Variants in TMTC1 observed in about 807,000 individuals in gnomAD.
TMTC1 encodes the protein transmembrane O-mannosyltransferase targeting cadherins 1, also known as protein O-mannosyl-transferase TMTC1.
In TMTC1, 73 loss-of-function variants were observed where a neutral mutation model predicts 104.8. The observed-to-expected ratio is 0.70, with a 90% CI of 0.58 to 0.85. The LOEUF is 0.85. Among genes scored for constraint, TMTC1 ranks in the 40% least tolerant of loss-of-function variants. The pLI, the probability that TMTC1 is intolerant of heterozygous loss-of-function variation, is 0.00. For synonymous variants in TMTC1, 434 were observed against 428.7 expected (o/e 1.01, Z -0.15); for missense variants, 1,035 against 1,096.1 (o/e 0.94, Z 0.79).
chr12:29,735,751 C>G (rs1942655597), intron 5 of TMTC1, among the ~76,000 whole-genome samples: 1 of 152,192 alleles, frequency 6.6e-6, no homozygotes, highest in Admixed American at 6.5e-5. Flanking sequence ...ACTGTTGGTG[C>G]AGATGCAGCT....
At chr12:29,675,107 T>C (rs1046511733) in intron 5 of TMTC1, among the ~76,000 whole-genome samples, 2 of 152,164 alleles carry the variant, frequency 1.3e-5, no homozygotes, top group African/African-American at 4.8e-5. Flanking sequence ...TTCAGCTAAG[T>C]TTCCCTTGCA....
chr12:29,644,096 AAT>A (rs1332634786), intron 5 of TMTC1, among the ~76,000 whole-genome samples: 2 of 79,502 alleles, frequency 2.5e-5, no homozygotes, highest in African/African-American at 5.4e-5. Context: ...TATAAATATA[AAT>A]ATATAAATAT....
chr12:29,678,160 CAA>C (rs878965394), intron 5 of TMTC1, among the ~76,000 whole-genome samples: 1 of 152,312 alleles, frequency 6.6e-6, no homozygotes, highest in Admixed American at 6.5e-5. Flanking sequence ...CAGAGATGAA[CAA>C]AAGTCACTTC....
intron 6 of TMTC1, among the ~76,000 whole-genome samples, chr12:29,620,839 A>G (rs977790298): frequency 6.6e-6 from 1 of 152,232 alleles, no homozygotes; most frequent in African/African-American, 2.4e-5. Context: ...AGCTGAGAGC[A>G]GGGAGAAGAG....
intron 8 of TMTC1, among the ~76,000 whole-genome samples, chr12:29,578,009 G>A (rs1945871204): frequency 6.6e-6 from 1 of 152,024 alleles, no homozygotes; most frequent in African/African-American, 2.4e-5. Flanking sequence ...AGGCAACTGT[G>A]ATTATAGAAA....
At chr12:29,742,081 GA>G (rs1309751484) in intron 5 of TMTC1, among the ~76,000 whole-genome samples, 1 of 151,614 alleles carries the variant, frequency 6.6e-6, no homozygotes, top group African/African-American at 2.4e-5. Flanking sequence ...GAAGCCAAAT[GA>G]AAACTATGAA....
chr12:29,615,735 G>C (rs1455078709), intron 6 of TMTC1, among the ~76,000 whole-genome samples: 3 of 152,146 alleles, frequency 2.0e-5, no homozygotes, highest in Admixed American at 1.3e-4. Context: ...AAGGTCTTAG[G>C]TTACTGTTGC....
At chr12:29,628,315 T>G (rs777197587) in intron 6 of TMTC1, among the ~76,000 whole-genome samples, 8 of 152,110 alleles carry the variant, frequency 5.3e-5, no homozygotes, top group Non-Finnish European at 1.2e-4. Context: ...TGGTACAACT[T>G]CAGTGAACAT....
intron 16 of TMTC1, among the ~76,000 whole-genome samples, chr12:29,513,747 A>C (rs1343710606): frequency 1.3e-5 from 2 of 152,316 alleles, no homozygotes; most frequent in Non-Finnish European, 2.9e-5. Context: ...TTATTCCAAA[A>C]CCATAGATAC....
rs565703598 is a variant in TMTC1 at position 29,731,850 on chromosome 12, A to G, written c.938+19816T>C. ...AATATGAATTCCCATATGGTTCTGT[A>G]TTCTTTCCATTACTATACAGTTTTT... On this transcript the variant is annotated intron_variant, in intron 5 of 17. Transcript: ENST00000539277. 2.6e-5 allele frequency among the ~76,000 whole-genome samples: 4 copies of G among 152,250 alleles called. No homozygotes were observed. In the South Asian group the frequency reaches 8.3e-4, roughly 32 times the overall value.
intron 5 of TMTC1, among the ~76,000 whole-genome samples, chr12:29,697,373 C>G (rs532855818): frequency 7.2e-5 from 11 of 152,214 alleles, no homozygotes; most frequent in Non-Finnish European, 1.3e-4. Context: ...TAACCTCTCA[C>G]AACTCAGAAA....
intron 5 of TMTC1, among the ~76,000 whole-genome samples, chr12:29,733,010 T>C (rs972749748): frequency 2.6e-5 from 4 of 152,202 alleles, no homozygotes; most frequent in Non-Finnish European, 5.9e-5. Context: ...ATACTGAGCT[T>C]CCCAGTACAG....
At chr12:29,519,835 T>C (rs998828625) in intron 12 of TMTC1, 2 of 152,234 alleles carry the variant, frequency 1.3e-5, no homozygotes, top group African/African-American at 4.8e-5. Flanking sequence ...GTTTCTTAGA[T>C]GTATCAGAAT....
At chr12:29,595,085 C>T (rs58562430) in intron 7 of TMTC1, among the ~76,000 whole-genome samples, 7,176 of 152,260 alleles carry the variant, frequency 0.047, 577 homozygotes, top group African/African-American at 0.16. Flanking sequence ...TTATTGTATT[C>T]AGTCTCATCT....
At chr12:29,774,020 A>C (rs1401915859) in intron 1 of TMTC1, among the ~76,000 whole-genome samples, 1 of 44,266 alleles carries the variant, frequency 2.3e-5, no homozygotes, top group Non-Finnish European at 1.0e-4. Flanking sequence ...TACAGTGGAG[A>C]CATGAGTGTG....
At chr12:29,651,867 A>C (rs962883627) in intron 5 of TMTC1, among the ~76,000 whole-genome samples, 1 of 151,706 alleles carries the variant, frequency 6.6e-6, no homozygotes, top group African/African-American at 2.4e-5. Context: ...GGAGAGAGGT[A>C]GGGCTAAGCA....
chr12:29,710,752 CTATTTATATTATA>C (rs1299806761), intron 5 of TMTC1, among the ~76,000 whole-genome samples: 1 of 126,632 alleles, frequency 7.9e-6, no homozygotes, highest in African/African-American at 3.0e-5. Context: ...TATTTATAAT[CTATTTATATTATA>C]TATTTATATT....
chr12:29,755,723 G>A lies in TMTC1; in HGVS notation c.717C>T (p.Asn239=). 3 of 1,613,478 alleles carry A rather than the reference G, an allele frequency of 1.9e-6. No homozygotes were observed. Among genetic ancestry groups the A allele is most frequent in the Non-Finnish European group, 2.5e-6 (3 of 1,179,716 alleles). Residue 239 remains asparagine, a synonymous_variant, in exon 4 of 18, where the codon AAC becomes AAT. Transcript: ENST00000539277. ...CLVYDLFSLS[N]KQDKSSNGAL... is the part of the protein sequence containing the mutation. ...AAATGACTTACGACTTGTCTTGCTT[G>A]TTGGAAAGGGAAAAGAGGTCATAAA...
intron 6 of TMTC1, among the ~76,000 whole-genome samples, chr12:29,629,618 C>T (rs1938192705): frequency 6.6e-6 from 1 of 152,020 alleles, no homozygotes; most frequent in African/African-American, 2.4e-5. Flanking sequence ...CCAGAATAGG[C>T]AAATTCATAG....
Sources: gnomAD v4.1 joint callset for allele counts (sites outside exome capture counted in the v4.1 genomes callset) on GRCh38, gnomAD v4.1.1 for gene constraint, MANE v1.5 for transcripts, NCBI Gene and HGNC (gene_info 2026-07-23, HGNC 2026-07-21) for gene names.